MGAT5: variants seen among roughly 807,000 people sequenced by gnomAD.
The protein encoded by MGAT5 is alpha-1,6-mannosylglycoprotein 6-beta-N-acetylglucosaminyltransferase A.
Under a neutral mutation model 94.3 loss-of-function variants are expected in MGAT5, and 30 were observed. That is an observed-to-expected ratio of 0.32 (90% CI 0.24 to 0.43). The LOEUF (loss-of-function observed/expected upper bound fraction) is 0.43. Among genes scored for constraint, MGAT5 ranks in the 20% least tolerant of loss-of-function variants. The pLI, the probability that MGAT5 is intolerant of heterozygous loss-of-function variation, is 1.00. For synonymous variants in MGAT5, 310 were observed against 322.9 expected, an observed-to-expected ratio of 0.96 and a Z score of 0.43; for missense variants, 691 against 905.5, an observed-to-expected ratio of 0.76 and a Z score of 3.04.
upstream of MGAT5, among the ~76,000 whole-genome samples, chr2:134,249,389 AGCT>A (rs1682461555): frequency 2.0e-5 from 3 of 152,150 alleles, no homozygotes; most frequent in Admixed American, 2.0e-4. Flanking sequence ...TATACACCTT[AGCT>A]ATCACCTCTC....
chr2:134,143,266 A>T (rs1018200195), intron 1 of MGAT5, among the ~76,000 whole-genome samples: 1 of 152,130 alleles, frequency 6.6e-6, no homozygotes, highest in African/African-American at 2.4e-5. Flanking sequence ...GATAGAGGTG[A>T]TGGTCACACA....
chr2:134,129,603 A>T (rs371730685), intron 1 of MGAT5, among the ~76,000 whole-genome samples: 1 of 152,070 alleles, frequency 6.6e-6, no homozygotes, highest in Non-Finnish European at 1.5e-5. Context: ...AACATATTCA[A>T]ATCAACTATT....
At chr2:134,381,314 A>G (rs187588704) in intron 10 of MGAT5, among the ~76,000 whole-genome samples, 1 of 120,638 alleles carries the variant, frequency 8.3e-6, no homozygotes, top group East Asian at 2.7e-4. Context: ...CCTGGGCAGC[A>G]TAGCAAGACC....
chr2:134,365,239 C>T (rs1025799321), intron 10 of MGAT5, among the ~76,000 whole-genome samples: 1 of 152,182 alleles, frequency 6.6e-6, no homozygotes, highest in Admixed American at 6.5e-5. Context: ...ACTCTTCCCA[C>T]CACCCTCCTT....
At chr2:134,388,126 A>G (rs1682145225) in intron 10 of MGAT5, among the ~76,000 whole-genome samples, 1 of 152,270 alleles carries the variant, frequency 6.6e-6, no homozygotes, top group South Asian at 2.1e-4. Flanking sequence ...CCTCTTCCCA[A>G]AAAGTCAAGG....
intron 15 of MGAT5, among the ~76,000 whole-genome samples, chr2:134,448,005 C>T (rs1296038550): frequency 6.6e-6 from 1 of 152,248 alleles, no homozygotes; most frequent in African/African-American, 2.4e-5. Flanking sequence ...AGGACAGCAC[C>T]TTCTGTCTGA....
intron 1 of MGAT5, among the ~76,000 whole-genome samples, chr2:134,179,814 A>T (rs1558972859): frequency 6.6e-6 from 1 of 152,352 alleles, no homozygotes; most frequent in East Asian, 1.9e-4. Context: ...TCCAGGAGGC[A>T]GGGCATTCTT....
At chr2:134,125,145 C>T (rs777764498) in intron 1 of MGAT5, among the ~76,000 whole-genome samples, 4 of 151,370 alleles carry the variant, frequency 2.6e-5, no homozygotes, top group Non-Finnish European at 5.9e-5. Flanking sequence ...GGAATGATGG[C>T]GATGAAAAAA....
chr2:134,216,510 G>A (rs1373485016), intron 1 of MGAT5, among the ~76,000 whole-genome samples: 2 of 152,156 alleles, frequency 1.3e-5, no homozygotes, highest in Non-Finnish European at 2.9e-5. Context: ...GTTTGTTGAG[G>A]CAATTTCAGG....
At chr2:134,252,340 G>T (rs753294145), upstream of MGAT5, among the ~76,000 whole-genome samples, 2 of 152,198 alleles carry the variant, frequency 1.3e-5, no homozygotes, top group Admixed American at 6.5e-5. Context: ...GGTACGTAGT[G>T]GGAGAGGGGT....
chr2:134,191,954 C>G (rs13010478), intron 1 of MGAT5, among the ~76,000 whole-genome samples: 10 of 149,054 alleles, frequency 6.7e-5, no homozygotes, highest in Non-Finnish European at 1.3e-4. Context: ...TGCCCTCCTT[C>G]TCCTCCTGCT....
chr2:134,389,021 AAAGTGCTGGGATTGGCCTCCCC>A (rs1323041415), intron 10 of MGAT5, among the ~76,000 whole-genome samples: 8 of 152,088 alleles, frequency 5.3e-5, no homozygotes, highest in East Asian at 1.9e-4. Flanking sequence ...TCGGCCTCCC[AAAGTGCTGGGATTGGCCTCCCC>A]AAGTGCCTGA....
At chr2:134,333,189 G>T (rs1688091353) in intron 4 of MGAT5, among the ~76,000 whole-genome samples, 1 of 152,014 alleles carries the variant, frequency 6.6e-6, no homozygotes. Flanking sequence ...CAACCCAAAT[G>T]TCCAACAATG....
intron 10 of MGAT5, among the ~76,000 whole-genome samples, chr2:134,376,352 T>C (rs1157759132): frequency 1.3e-5 from 2 of 152,198 alleles, no homozygotes; most frequent in African/African-American, 4.8e-5. Context: ...CCTCCTTTTC[T>C]TTACCGTTTT....
chr2:134,148,759 GTTTTTTTTT>G (rs748584511), intron 1 of MGAT5, among the ~76,000 whole-genome samples: 1 of 118,724 alleles, frequency 8.4e-6, no homozygotes, highest in African/African-American at 3.3e-5. Context: ...TCTTTCTTAG[GTTTTTTTTT>G]TTTTTTTTTT....
At chr2:134,120,338 TC>T in intron 1 of MGAT5, 2 of 388,292 alleles carry the variant, frequency 5.2e-6, no homozygotes, top group Non-Finnish European at 9.1e-6. Context: ...GAGCTCGTCA[TC>T]CCCGCGGGGT....
intron 1 of MGAT5, among the ~76,000 whole-genome samples, chr2:134,259,446 A>G (rs1383741906): frequency 6.6e-6 from 1 of 152,162 alleles, no homozygotes; most frequent in Non-Finnish European, 1.5e-5. Flanking sequence ...GTGTTCTCTA[A>G]TGAACAGTAA....
chr2:134,129,330 A>G (rs1686006765), intron 1 of MGAT5, among the ~76,000 whole-genome samples: 1 of 152,154 alleles, frequency 6.6e-6, no homozygotes, highest in Non-Finnish European at 1.5e-5. Context: ...TTCAGGATTG[A>G]TGTGATTAGA....
intron 1 of MGAT5, among the ~76,000 whole-genome samples, chr2:134,225,530 G>A (rs1408143051): frequency 1.3e-5 from 2 of 152,330 alleles, no homozygotes; most frequent in East Asian, 1.9e-4. Context: ...CTAATACAAA[G>A]TGATCTAGTT....
Sources: gnomAD v4.1 joint callset for allele counts (sites outside exome capture counted in the v4.1 genomes callset) on GRCh38, gnomAD v4.1.1 for gene constraint, MANE v1.5 for transcripts, NCBI Gene and HGNC (gene_info 2026-07-23, HGNC 2026-07-21) for gene names.